RSPO2: variants seen among roughly 807,000 people sequenced by gnomAD.
The protein encoded by RSPO2 is R-spondin-2.
Under a neutral mutation model 30.9 loss-of-function variants are expected in RSPO2, and 14 were observed. The observed-to-expected ratio is 0.45, with a 90% confidence interval of 0.30 to 0.71. The LOEUF is 0.71. RSPO2 is among the 30% of genes least tolerant of loss of function. The pLI is 0.08. For missense variants in RSPO2, 264 were observed against 301.9 expected (o/e 0.87, Z 0.93); for synonymous variants, 107 against 96.4 (o/e 1.11, Z -0.64).
At chr8:107,932,611 A>C (rs1356293971) in intron 5 of RSPO2, among the ~76,000 whole-genome samples, 6 of 152,152 alleles carry the variant, frequency 3.9e-5, no homozygotes. Flanking sequence ...AGGCCTAAGA[A>C]TGCTTGGGGT....
intron 5 of RSPO2, among the ~76,000 whole-genome samples, chr8:107,915,069 A>G (rs1811938363): frequency 6.6e-6 from 1 of 152,142 alleles, no homozygotes; most frequent in South Asian, 2.1e-4. Context: ...CAATTTCCCC[A>G]AGATGTGTAT....
rs561815342 is a variant in RSPO2 at position 108,018,593 on chromosome 8, T to C, written c.95-29349A>G. Among the ~76,000 whole-genome samples, 10 of 152,324 alleles carry C rather than the reference T, an allele frequency of 6.6e-5. No homozygotes were observed. The East Asian group carries it at 1.7e-3, about 26-fold the overall frequency. Reference sequence around the variant, plus strand: ...AAAAAATACAGACATTATCCAGGCCTAAGGAGTTTCATATTCAGTAAGAAT... The same window carrying C: ...AAAAAATACAGACATTATCCAGGCCCAAGGAGTTTCATATTCAGTAAGAAT... On this transcript the variant is annotated intron_variant, in intron 2 of 5. Coordinates refer to ENST00000276659, the MANE Select transcript of RSPO2 (RefSeq NM_178565.5).
chr8:107,999,986 A>G (rs556798775), intron 2 of RSPO2, among the ~76,000 whole-genome samples: 1 of 152,294 alleles, frequency 6.6e-6, no homozygotes, highest in East Asian at 1.9e-4. Context: ...TATTTAACAC[A>G]GCACAAAAGA....
intron 2 of RSPO2, among the ~76,000 whole-genome samples, chr8:107,992,299 C>T (rs923085619): frequency 6.6e-6 from 1 of 152,062 alleles, no homozygotes; most frequent in African/African-American, 2.4e-5. Flanking sequence ...CAAACTAACA[C>T]AGAAACAGAA....
At chr8:107,951,050 T>TTTTGTTG (rs1554575801) in intron 5 of RSPO2, among the ~76,000 whole-genome samples, 1 of 69,798 alleles carries the variant, frequency 1.4e-5, no homozygotes, top group African/African-American at 4.0e-5. Flanking sequence ...TAAGTTTTTT[T>TTTTGTTG]TTGTTGTTGT....
At chr8:108,072,633 C>T (rs1238002425) in intron 2 of RSPO2, among the ~76,000 whole-genome samples, 5 of 151,922 alleles carry the variant, frequency 3.3e-5, no homozygotes, top group Admixed American at 6.6e-5. Context: ...CCACCGCGCC[C>T]GGCCGATGCC....
chr8:108,047,425 T>C (rs1180831956), intron 2 of RSPO2, among the ~76,000 whole-genome samples: 2 of 152,220 alleles, frequency 1.3e-5, no homozygotes, highest in Non-Finnish European at 2.9e-5. Context: ...CTTGACCATA[T>C]ATGCTCTTCA....
At chr8:107,969,634 C>T (rs1813928963) in intron 3 of RSPO2, among the ~76,000 whole-genome samples, 1 of 152,138 alleles carries the variant, frequency 6.6e-6, no homozygotes, top group Non-Finnish European at 1.5e-5. Flanking sequence ...AAAATGAACA[C>T]ATTTGCTAAG....
At chr8:107,908,145 C>G (rs1811712107) in intron 5 of RSPO2, among the ~76,000 whole-genome samples, 1 of 152,118 alleles carries the variant, frequency 6.6e-6, no homozygotes, top group African/African-American at 2.4e-5. Context: ...CTCAGAAATT[C>G]CTCATTTTAC....
Position 108,076,627 on chromosome 8 carries a change from T to C in RSPO2, c.94+5918A>G, listed in dbSNP as rs1039210144. 3.3e-5 allele frequency among the ~76,000 whole-genome samples: 5 copies of C among 152,044 alleles called. No individual in the cohort carries two copies. In the East Asian group the frequency reaches 9.7e-4, roughly 29 times the overall value. On this transcript the variant is annotated intron_variant, in intron 2 of 5. Coordinates refer to ENST00000276659, the MANE Select transcript of RSPO2 (RefSeq NM_178565.5). ...CAGAACTCCATGGATAAAAAAAGAATATAAGCAGAGGAACACATTTGGGAG... is the reference window on the plus strand; with the variant it reads ...CAGAACTCCATGGATAAAAAAAGAACATAAGCAGAGGAACACATTTGGGAG...
chr8:107,941,428 T>G lies in RSPO2; in HGVS notation c.616+16652A>C, dbSNP rs147538774. 2.6e-5 allele frequency among the ~76,000 whole-genome samples: 4 copies of G among 152,282 alleles called. No individual in the cohort carries two copies. The East Asian group carries it at 7.7e-4, about 29-fold the overall frequency. On this transcript the variant is annotated intron_variant, in intron 5 of 5. Coordinates refer to ENST00000276659, the MANE Select transcript of RSPO2 (RefSeq NM_178565.5). ...TGCCAAAAAATAGATCACTGCAAAA[T>G]GTAAATTCTAACGTTATTTATGTAA...
intron 5 of RSPO2, among the ~76,000 whole-genome samples, chr8:107,946,922 C>T: frequency 6.6e-6 from 1 of 152,170 alleles, no homozygotes; most frequent in East Asian, 1.9e-4. Flanking sequence ...GATTATTTGT[C>T]AAAGATGTCC....
At position 108,061,626 on chromosome 8, in the gene RSPO2, C is replaced by T. The variant is rs1163455856; in HGVS notation, c.94+20919G>A. ...CCACTGTCAACATTAGACAGATCAACGAGACAGAAAGTTAACAAGGATATC... is the reference window on the plus strand; with the variant it reads ...CCACTGTCAACATTAGACAGATCAATGAGACAGAAAGTTAACAAGGATATC... On this transcript the variant is annotated intron_variant, in intron 2 of 5. Transcript: ENST00000276659. Among the ~76,000 whole-genome samples, 12 of 151,820 alleles carry T rather than the reference C, an allele frequency of 7.9e-5. No individual in the cohort carries two copies. The South Asian group carries it at 8.3e-4, about 11-fold the overall frequency.
intron 2 of RSPO2, among the ~76,000 whole-genome samples, chr8:108,035,983 G>A (rs1458927026): frequency 1.3e-5 from 2 of 152,114 alleles, no homozygotes; most frequent in Admixed American, 1.3e-4. Flanking sequence ...GAGACCCAGA[G>A]GCATCTTATG....
chr8:107,908,396 A>C (rs181413278), intron 5 of RSPO2, among the ~76,000 whole-genome samples: 1 of 152,296 alleles, frequency 6.6e-6, no homozygotes, highest in East Asian at 1.9e-4. Flanking sequence ...TAGTTTTAAA[A>C]CTATCTAAAA....
intron 5 of RSPO2, among the ~76,000 whole-genome samples, chr8:107,930,900 TA>T (rs1479431921): frequency 6.6e-6 from 1 of 152,192 alleles, no homozygotes; most frequent in Admixed American, 6.5e-5. Context: ...AATCCTTACT[TA>T]ACTGACTTGC....
At chr8:108,056,804 C>T (rs970030047) in intron 2 of RSPO2, among the ~76,000 whole-genome samples, 1 of 151,064 alleles carries the variant, frequency 6.6e-6, no homozygotes, top group African/African-American at 2.4e-5. Flanking sequence ...GCCTGTAATC[C>T]TAGCACTTTG....
At chr8:108,048,375 G>C (rs1811971799) in intron 2 of RSPO2, among the ~76,000 whole-genome samples, 1 of 151,516 alleles carries the variant, frequency 6.6e-6, no homozygotes, top group African/African-American at 2.4e-5. Context: ...GCTGCAACTA[G>C]ATAGAACAAA....
In RSPO2 at chr8:108,011,741, C is replaced by T. The variant is rs190916003; in HGVS notation, c.95-22497G>A. On this transcript the variant is annotated intron_variant, in intron 2 of 5. Coordinates refer to ENST00000276659, the MANE Select transcript of RSPO2 (RefSeq NM_178565.5). ...CATGCATGGAATGTACAAGGTTATC[C>T]GTGCAGAGGAAATAATTGGGCAGGG... is the stretch of plus-strand genomic sequence containing the variant. Among the ~76,000 whole-genome samples, 480 of 152,200 alleles carry T rather than the reference C, an allele frequency of 3.2e-3. 2 individuals are homozygous for T. Among genetic ancestry groups the T allele is most frequent in the African/African-American group, 9.9e-3 (410 of 41,524 alleles).
Sources: allele counts gnomAD v4.1 joint callset (sites outside exome capture counted in the v4.1 genomes callset), GRCh38; gene constraint gnomAD v4.1.1; transcripts MANE v1.5; gene names NCBI Gene and HGNC (gene_info 2026-07-23, HGNC 2026-07-21).